The following GMCL1 variants were observed in gnomAD, a reference collection of about 807,000 sequenced individuals.
The protein encoded by GMCL1 is germ cell-less protein-like 1.
A neutral mutation model predicts 75.5 loss-of-function variants in GMCL1; 54 were observed. The ratio of observed to expected loss-of-function variants is 0.71; its 90% CI spans 0.57 to 0.90. GMCL1 has a LOEUF of 0.90. GMCL1 is among the 40% of genes least tolerant of loss of function. The pLI is 0.00. For missense variants in GMCL1, 537 were observed against 622.7 expected (o/e 0.86, Z 1.47); for synonymous variants, 210 against 209.6 (o/e 1.00, Z -0.02).
chr2:69,830,316 T>G (rs3732266), intron 1 of GMCL1, among the ~76,000 whole-genome samples, 164 bp downstream of exon 1: 90,699 of 152,068 alleles, frequency 0.6, 29,556 homozygotes, highest in African/African-American at 0.86. Context: ...CGGGGCGGAC[T>G]GGGGAGCGCC....
At chr2:69,867,374 C>T (rs73936274) in intron 11 of GMCL1, among the ~76,000 whole-genome samples, 1 of 152,170 alleles carries the variant, frequency 6.6e-6, no homozygotes, top group African/African-American at 2.4e-5. Context: ...TGTGAGCATA[C>T]CCTCAATTTT....
Position 69,837,636 on chromosome 2 carries a change from A to C in GMCL1, c.350A>C (p.Glu117Ala). The C allele has an allele frequency of 6.2e-7, 1 of 1,604,322 alleles. No individual in the cohort carries two copies. Among genetic ancestry groups the C allele is most frequent in the South Asian group, 1.1e-5 (1 of 88,140 alleles). ...NSDIKICALG[E>A]EWSLHKIYLC... The stretch of plus-strand genomic sequence containing the variant: ...GACATTAAGATTTGTGCTCTAGGAG[A>C]AGAATGGAGCTTACACAAAATATAT... The change falls in exon 2 of 14, where the codon GAA becomes GCA. Residue 117 changes from glutamate to alanine, a missense_variant. Physicochemically the swap from Glu to Ala is moderately radical, Grantham distance 107. Around this residue, in one of 3 missense-constraint regions of GMCL1, gnomAD observed 48 missense variants for 85.0 expected, o/e 0.56. Coordinates refer to ENST00000282570, the MANE Select transcript of GMCL1 (RefSeq NM_178439.5).
chr2:69,843,051 T>C (rs1193265970), intron 4 of GMCL1, 98 bp from the exon 5 acceptor site: 2 of 455,750 alleles, frequency 4.4e-6, no homozygotes, highest in Non-Finnish European at 7.4e-6. Flanking sequence ...TTTTCTTTCT[T>C]CTTTTTTTTT....
At chr2:69,861,423 A>G in intron 10 of GMCL1, 76 bp downstream of exon 10, 1 of 876,206 alleles carries the variant, frequency 1.1e-6, no homozygotes, top group Non-Finnish European at 1.8e-6. Context: ...TTATGTTGAA[A>G]AATCATTAAC....
At chr2:69,854,349 G>T (rs559125858) in intron 8 of GMCL1, among the ~76,000 whole-genome samples, 2 of 152,204 alleles carry the variant, frequency 1.3e-5, no homozygotes, top group East Asian at 3.9e-4. Flanking sequence ...TTTCAATAGA[G>T]AATTAATATA....
chr2:69,850,618 T>A (rs887573650), intron 8 of GMCL1, among the ~76,000 whole-genome samples: 5 of 152,190 alleles, frequency 3.3e-5, no homozygotes, highest in Non-Finnish European at 7.4e-5. Context: ...GAACTTCATG[T>A]TTATTCTTTT....
At chr2:69,872,647 G>T (rs2104056270) in intron 13 of GMCL1, among the ~76,000 whole-genome samples, 1 of 152,196 alleles carries the variant, frequency 6.6e-6, no homozygotes, top group South Asian at 2.1e-4. Context: ...CTTACAGAGG[G>T]GGTCATCCAC....
intron 8 of GMCL1, among the ~76,000 whole-genome samples, chr2:69,851,541 C>T (rs1054553584): frequency 6.6e-4 from 100 of 152,114 alleles, no homozygotes; most frequent in African/African-American, 2.3e-3. Flanking sequence ...AACCAGAAGG[C>T]GGAAGTTGCA....
chr2:69,860,961 G>GC (rs1200811687), intron 9 of GMCL1, among the ~76,000 whole-genome samples: 1 of 152,150 alleles, frequency 6.6e-6, no homozygotes, highest in Admixed American at 6.5e-5. Flanking sequence ...TCCCGCCTCA[G>GC]CCCCCCAAGT....
At chr2:69,876,625 C>T (rs1369404840) in intron 13 of GMCL1, among the ~76,000 whole-genome samples, 1 of 152,034 alleles carries the variant, frequency 6.6e-6, no homozygotes, top group African/African-American at 2.4e-5. Flanking sequence ...CCCTAGGGAC[C>T]ACTGGTATTT....
chr2:69,862,405 G>T (rs1266215129), intron 10 of GMCL1, among the ~76,000 whole-genome samples: 2 of 151,992 alleles, frequency 1.3e-5, no homozygotes, highest in African/African-American at 4.8e-5. Context: ...TTTCTACTTT[G>T]ATTATAATTA....
chr2:69,829,671 A>T lies in GMCL1; in HGVS notation c.-222A>T. On this transcript the variant is annotated 5_prime_UTR_variant, in exon 1 of 14. Transcript: ENST00000282570. ...GCCCTCCGTCCCGCGCTTTGTTGCG[A>T]AAGCGAGGGGGCGAGGTGCTGCGGT... 1.9e-6 allele frequency: 1 copy of T among 526,526 alleles called. No homozygotes were observed. Among genetic ancestry groups the T allele is most frequent in the East Asian group, 3.5e-5 (1 of 28,904 alleles). 32.6% of individuals were successfully genotyped at this position (526,526 alleles called of 1,614,324 possible).
intron 13 of GMCL1, among the ~76,000 whole-genome samples, chr2:69,874,978 C>A (rs1430642417): frequency 6.6e-6 from 1 of 152,092 alleles, no homozygotes; most frequent in East Asian, 1.9e-4. Context: ...TTCCTAGGCT[C>A]AAGTGATCCA....
At chr2:69,856,564 T>C (rs1675472128) in intron 9 of GMCL1, among the ~76,000 whole-genome samples, 2 of 151,954 alleles carry the variant, frequency 1.3e-5, no homozygotes, top group Admixed American at 1.3e-4. Context: ...CTGACCTATC[T>C]TGTTACTATT....
intron 6 of GMCL1, among the ~76,000 whole-genome samples, chr2:69,845,455 T>G (rs1372559706): frequency 6.6e-6 from 1 of 152,170 alleles, no homozygotes; most frequent in Non-Finnish European, 1.5e-5. Flanking sequence ...CTTTCTTTTT[T>G]AAAGAGATGG....
At chr2:69,852,481 A>G (rs1573356135) in intron 8 of GMCL1, among the ~76,000 whole-genome samples, 1 of 152,064 alleles carries the variant, frequency 6.6e-6, no homozygotes, top group South Asian at 2.1e-4. Flanking sequence ...CATACTTAGG[A>G]AATAGGATAG....
intron 8 of GMCL1, among the ~76,000 whole-genome samples, chr2:69,851,153 T>C (rs1675308948): frequency 6.6e-6 from 1 of 152,222 alleles, no homozygotes; most frequent in Non-Finnish European, 1.5e-5. Flanking sequence ...AGATGTCTTT[T>C]TGGTTGGGTG....
chr2:69,873,181 A>T (rs1049569175), intron 13 of GMCL1, among the ~76,000 whole-genome samples: 5 of 152,126 alleles, frequency 3.3e-5, no homozygotes, highest in Non-Finnish European at 7.4e-5. Context: ...GTGAATGCAT[A>T]CCTGAACCAA....
chr2:69,849,680 G>A lies in GMCL1; in HGVS notation c.872G>A (p.Trp291Ter), dbSNP rs746175742. 6.3e-7 allele frequency: 1 copy of A among 1,587,750 alleles called. No homozygotes were observed. Among genetic ancestry groups the A allele is most frequent in the African/African-American group, 1.4e-5 (1 of 73,930 alleles). The change falls in exon 8 of 14, where the codon TGG becomes TAG. Residue 291 changes from tryptophan (W) to a stop codon, truncating the protein, a stop_gained. Coordinates refer to ENST00000282570, the MANE Select transcript of GMCL1 (RefSeq NM_178439.5). LOFTEE classifies it high-confidence loss of function. ...ATGTTCCTTCAACTTGTGCCTTCTT[G>A]GAATGGATCTTTAAAACAGCTTTTG... Reference protein sequence around the residue: ...KWMFLQLVPSWNGSLKQLLTE... With the variant: ...KWMFLQLVPS
Sources: gnomAD v4.1 joint callset for allele counts (sites outside exome capture counted in the v4.1 genomes callset) on GRCh38, gnomAD v4.1.1 for gene constraint, gnomAD v4.1.1 regional missense constraint, MANE v1.5 for transcripts, NCBI Gene and HGNC (gene_info 2026-07-23, HGNC 2026-07-21) for gene names.